RNF6: variants seen among roughly 807,000 people sequenced by gnomAD.
The protein encoded by RNF6 is E3 ubiquitin-protein ligase RNF6.
Under a neutral mutation model 50.1 loss-of-function variants are expected in RNF6, and 21 were observed. The observed-to-expected ratio is 0.42, with a 90% CI of 0.30 to 0.60. The LOEUF (loss-of-function observed/expected upper bound fraction) is 0.60. RNF6 is among the 20% of genes least tolerant of loss of function. The probability of loss-of-function intolerance (pLI) is 0.20; values close to 1 mark genes in which losing one functional copy is unlikely to be tolerated. For synonymous variants in RNF6, 255 were observed against 291.8 expected, an observed-to-expected ratio of 0.87 and a Z score of 1.29; for missense variants, 698 against 838.2, an observed-to-expected ratio of 0.83 and a Z score of 2.07.
At chr13:26,204,496 C>CAAAAA (rs71080239) in intron 5 of RNF6, among the ~76,000 whole-genome samples, 56 of 68,640 alleles carry the variant, frequency 8.2e-4, no homozygotes, top group South Asian at 1.5e-3. Flanking sequence ...GACTCCACCT[C>CAAAAA]AAAAAAAAAA....
chr13:26,155,758 T>C (rs1871887172), intron 5 of RNF6, among the ~76,000 whole-genome samples: 1 of 152,206 alleles, frequency 6.6e-6, no homozygotes, highest in South Asian at 2.1e-4. Flanking sequence ...CCAAGAGTCA[T>C]GGCTCAGGCG....
chr13:26,149,711 G>A (rs1282055566), intron 5 of RNF6, among the ~76,000 whole-genome samples: 3 of 151,672 alleles, frequency 2.0e-5, no homozygotes, highest in Non-Finnish European at 4.4e-5. Context: ...TGTGGCCTAT[G>A]GGAGGGAGTA....
chr13:26,215,029 C>G lies in RNF6; in HGVS notation c.853G>C (p.Ala285Pro). ...TTCCTCACTGTAACATTACTTCTAGCCCCATTTTCCCAAACATGTGCTGCT... is the reference window on the plus strand; with the variant it reads ...TTCCTCACTGTAACATTACTTCTAGGCCCATTTTCCCAAACATGTGCTGCT... ...FGAAHVWENG[A>P]RSNVTVRNTN... The change falls in exon 5 of 5, where the codon GCT (alanine) becomes CCT (proline). Residue 285 changes from alanine to proline, a missense_variant. Transcript: ENST00000381588. The G allele has an allele frequency of 5.6e-6, 9 of 1,614,182 alleles. No individual in the cohort carries two copies. Among genetic ancestry groups the G allele is most frequent in the Non-Finnish European group, 7.6e-6 (9 of 1,180,014 alleles).
chr13:26,167,195 T>G (rs540780285), intron 5 of RNF6, among the ~76,000 whole-genome samples: 24 of 152,120 alleles, frequency 1.6e-4, no homozygotes, highest in Non-Finnish European at 2.8e-4. Context: ...AAAGCAAAAA[T>G]TGACTAATGG....
intron 5 of RNF6, among the ~76,000 whole-genome samples, chr13:26,161,838 A>T (rs1204780539): frequency 6.6e-6 from 1 of 151,994 alleles, no homozygotes; most frequent in Non-Finnish European, 1.5e-5. Context: ...AGAAAATCCC[A>T]TTGTGTCTTC....
chr13:26,174,582 G>A (rs1399488860), intron 5 of RNF6, among the ~76,000 whole-genome samples: 1 of 151,864 alleles, frequency 6.6e-6, no homozygotes, highest in Non-Finnish European at 1.5e-5. Context: ...AGAATCACTT[G>A]AATCCGGGAG....
chr13:26,172,256 G>A (rs1287431743), intron 5 of RNF6, among the ~76,000 whole-genome samples: 1 of 126,268 alleles, frequency 7.9e-6, no homozygotes, highest in African/African-American at 2.8e-5. Flanking sequence ...ACCGATGCTG[G>A]AACAGCTGGT....
chr13:26,207,399 G>A (rs1869153722), intron 5 of RNF6, among the ~76,000 whole-genome samples: 1 of 152,182 alleles, frequency 6.6e-6, no homozygotes, highest in Non-Finnish European at 1.5e-5. Flanking sequence ...AAGTCGAAAT[G>A]AGGCTTGTAG....
At chr13:26,169,304 T>A (rs966168529) in intron 5 of RNF6, among the ~76,000 whole-genome samples, 5 of 148,866 alleles carry the variant, frequency 3.4e-5, no homozygotes, top group African/African-American at 1.2e-4. Context: ...AAGGAGAGAG[T>A]GTATGGGAGG....
At chr13:26,191,794 T>C (rs1370849898) in intron 5 of RNF6, among the ~76,000 whole-genome samples, 2 of 152,294 alleles carry the variant, frequency 1.3e-5, no homozygotes, top group East Asian at 3.9e-4. Context: ...CTAATACAGT[T>C]GGTGATATGT....
intron 4 of RNF6, among the ~76,000 whole-genome samples, chr13:26,217,181 G>A (rs895387053): frequency 6.6e-6 from 1 of 152,170 alleles, no homozygotes; most frequent in Non-Finnish European, 1.5e-5. Context: ...CAAAAGATCA[G>A]TATTAATTAT....
intron 5 of RNF6, among the ~76,000 whole-genome samples, chr13:26,170,943 C>G (rs962448780): frequency 6.6e-6 from 1 of 152,066 alleles, no homozygotes. Context: ...AACCTAAAAG[C>G]AAAGACTATC....
intron 5 of RNF6, among the ~76,000 whole-genome samples, chr13:26,133,966 A>C (rs1345712301): frequency 1.3e-5 from 2 of 152,198 alleles, no homozygotes; most frequent in Non-Finnish European, 2.9e-5. Context: ...ATATCATTTA[A>C]ACTGTCTGTT....
intron 5 of RNF6, among the ~76,000 whole-genome samples, chr13:26,200,733 C>G (rs1202205118): frequency 2.0e-5 from 3 of 152,044 alleles, no homozygotes; most frequent in Non-Finnish European, 4.4e-5. Context: ...TACCTTTGAA[C>G]TAGTGTTTTG....
At position 26,214,646 on chromosome 13, in the gene RNF6, T is replaced by A. The variant is rs1566439427; in HGVS notation, c.1236A>T (p.Arg412Ser). Residue 412 changes from arginine (R) to serine (S), a missense_variant, in exon 5 of 5, where the codon AGA (arginine) becomes AGT (serine). Transcript: ENST00000381588. ...QVRRIRPGENRDRDSIANRTR... is the reference protein window; with the variant it reads ...QVRRIRPGENSDRDSIANRTR... The stretch of plus-strand genomic sequence containing the variant: ...TTCTATTTGCAATACTATCCCGATC[T>A]CTATTTTCTCCAGGACGGATCCTTC... 2 of 1,614,244 alleles carry A rather than the reference T, an allele frequency of 1.2e-6. No homozygotes were observed. The highest frequency in any genetic ancestry group is 4.5e-5 in the East Asian group (2 of 44,890).
At chr13:26,204,039 G>C (rs1371456794) in intron 5 of RNF6, among the ~76,000 whole-genome samples, 1 of 152,096 alleles carries the variant, frequency 6.6e-6, no homozygotes, top group Non-Finnish European at 1.5e-5. Flanking sequence ...TTCTCTGGAA[G>C]GTGTCAGACC....
At chr13:26,140,539 C>T (rs947254245) in intron 5 of RNF6, among the ~76,000 whole-genome samples, 4 of 152,182 alleles carry the variant, frequency 2.6e-5, no homozygotes, top group Non-Finnish European at 1.5e-5. Flanking sequence ...CAGCCAACAT[C>T]GTACTCAATG....
chr13:26,145,230 G>A (rs1871163053), intron 5 of RNF6, among the ~76,000 whole-genome samples: 1 of 152,230 alleles, frequency 6.6e-6, no homozygotes, highest in Admixed American at 6.5e-5. Context: ...TGAAAGTGGA[G>A]TCACCACCTA....
intron 5 of RNF6, among the ~76,000 whole-genome samples, chr13:26,178,050 A>C (rs1308474074): frequency 1.3e-5 from 2 of 152,102 alleles, no homozygotes; most frequent in Admixed American, 1.3e-4. Context: ...TTAGCCAGGC[A>C]TGGTGGCAGG....
Sources: gnomAD v4.1 joint callset for allele counts (sites outside exome capture counted in the v4.1 genomes callset) on GRCh38, gnomAD v4.1.1 for gene constraint, MANE v1.5 for transcripts, NCBI Gene and HGNC (gene_info 2026-07-23, HGNC 2026-07-21) for gene names.